SLC28A2: variants seen among roughly 807,000 people sequenced by gnomAD.
SLC28A2 encodes sodium/nucleoside cotransporter 2.
Under a neutral mutation model 72.9 loss-of-function variants are expected in SLC28A2, and 69 were observed. The observed-to-expected ratio is 0.95, with a 90% CI of 0.78 to 1.16. The LOEUF is 1.16. Among genes scored for constraint, SLC28A2 ranks in the 50% most tolerant of loss-of-function variants. SLC28A2 has a pLI of 0.00. For missense variants in SLC28A2, 745 were observed against 791.1 expected (o/e 0.94, Z 0.70); for synonymous variants, 296 against 294.1 (o/e 1.01, Z -0.07).
At chr15:45,267,624 G>T (rs201650750) in intron 11 of SLC28A2, 42 bp from the exon 12 acceptor site, 4 of 1,614,024 alleles carry the variant, frequency 2.5e-6, no homozygotes, top group East Asian at 4.5e-5. Context: ...ACTCGAGTTG[G>T]GTTTGATAGA....
chr15:45,256,249 G>T (rs1317030459), intron 3 of SLC28A2, among the ~76,000 whole-genome samples: 1 of 152,016 alleles, frequency 6.6e-6, no homozygotes, highest in East Asian at 1.9e-4. Context: ...TACCCAGGCT[G>T]GTCTTGAATT....
intron 1 of SLC28A2, 70 bp downstream of exon 1, chr15:45,252,348 A>G (rs1256456022): frequency 4.4e-6 from 2 of 454,196 alleles, no homozygotes; most frequent in Non-Finnish European, 8.8e-6. Context: ...TATTTAAACT[A>G]AATGCAGGTA....
In SLC28A2 at chr15:45,264,994, G is replaced by A. The variant is rs1438431661; in HGVS notation, c.703-95G>A. 12 of 988,068 alleles carry A rather than the reference G, an allele frequency of 1.2e-5. No individual in the cohort carries two copies. The South Asian group carries it at 1.3e-4, about 11-fold the overall frequency. 61.2% of individuals were successfully genotyped at this position (988,068 alleles called of 1,614,324 possible). On this transcript the variant is annotated intron_variant, in intron 7 of 17. Coordinates refer to ENST00000347644, the MANE Select transcript of SLC28A2 (RefSeq NM_004212.4). ...AGGGAGGCCAACCTCAGTAGCAACA[G>A]TAGGTCCTCAGGACGCATGGGGCTG...
At chr15:45,253,703 G>GT in intron 3 of SLC28A2, 183 bp downstream of exon 3, 2 of 521,482 alleles carry the variant, frequency 3.8e-6, no homozygotes, top group Non-Finnish European at 6.9e-6. Flanking sequence ...GAGTTCAGCA[G>GT]TATCAGTGTT....
Position 45,274,798 on chromosome 15 carries a change from G to A in SLC28A2, c.1860-598G>A, listed in dbSNP as rs1307851966. ...CTCACTCTGTTGCCCCGGCTGGGGT[G>A]CAGTGGCACAATCTTGGCCCAGGCT... On this transcript the variant is annotated intron_variant, in intron 17 of 17. Transcript: ENST00000347644. Among the ~76,000 whole-genome samples, 5 of 150,622 alleles carry A rather than the reference G, an allele frequency of 3.3e-5. No homozygotes were observed. In the East Asian group the frequency reaches 7.8e-4, roughly 24 times the overall value.
rs376329993 is a variant in SLC28A2 at position 45,267,657 on chromosome 15, G to A, written c.1069-9G>A. 40 of 1,613,962 alleles carry A rather than the reference G, an allele frequency of 2.5e-5. No individual in the cohort carries two copies. Among genetic ancestry groups the A allele is most frequent in the East Asian group, 4.5e-5 (2 of 44,882 alleles). On this transcript the variant is annotated splice_polypyrimidine_tract_variant and intron_variant, in intron 11 of 17. Coordinates refer to ENST00000347644, the MANE Select transcript of SLC28A2 (RefSeq NM_004212.4). Reference sequence around the variant, plus strand: ...AGAAACACTGATGCCTAAGTCTGGCGCCTCACAGGTTGATGCATCATCCCT... The same window carrying A: ...AGAAACACTGATGCCTAAGTCTGGCACCTCACAGGTTGATGCATCATCCCT...
intron 5 of SLC28A2, 27 bp from the exon 6 acceptor site, chr15:45,263,854 G>T: frequency 6.3e-7 from 1 of 1,589,888 alleles, no homozygotes; most frequent in Non-Finnish European, 8.6e-7. Context: ...CTGGGTTGAT[G>T]ACATGGTCTT....
intron 4 of SLC28A2, 91 bp downstream of exon 4, chr15:45,262,197 T>A: frequency 1.2e-6 from 1 of 832,388 alleles, no homozygotes; most frequent in Non-Finnish European, 2.0e-6. Flanking sequence ...AAGGCATTTT[T>A]ATTCAAAACT....
At chr15:45,270,035 A>C (rs146043562) in intron 14 of SLC28A2, among the ~76,000 whole-genome samples, 160 bp from the exon 15 acceptor site, 254 of 152,282 alleles carry the variant, frequency 1.7e-3, no homozygotes, top group African/African-American at 6.0e-3. Flanking sequence ...TTATCCCTAT[A>C]GTAACTCAGG....
intron 3 of SLC28A2, among the ~76,000 whole-genome samples, chr15:45,260,773 A>G (rs1298436194): frequency 6.6e-6 from 1 of 152,174 alleles, no homozygotes; most frequent in African/African-American, 2.4e-5. Context: ...TCTCTTAAAG[A>G]GAAGAAAAGC....
chr15:45,268,717 C>T (rs1179288949), intron 13 of SLC28A2, among the ~76,000 whole-genome samples: 5 of 152,024 alleles, frequency 3.3e-5, no homozygotes, highest in East Asian at 1.9e-4. Context: ...CACATGCACA[C>T]GTATGTTTAT....
intron 5 of SLC28A2, 122 bp from the exon 6 acceptor site, chr15:45,263,759 A>G: frequency 1.1e-6 from 1 of 900,518 alleles, no homozygotes; most frequent in Admixed American, 2.7e-5. Flanking sequence ...CAGCTCTAAC[A>G]ATGGCACATG....
Position 45,262,022 on chromosome 15 carries a change from C to A in SLC28A2, c.178C>A (p.Arg60=). The A allele has an allele frequency of 6.2e-7, 1 of 1,610,448 alleles. No individual in the cohort carries two copies. The highest frequency in any genetic ancestry group is 1.1e-5 in the South Asian group (1 of 90,962). ...LGPSTYQRRS[R]WPFSKARSFC... The stretch of plus-strand genomic sequence containing the variant: ...CTTTTGGGTTCTTATTAGGAGGAGT[C>A]GGTGGCCTTTCAGCAAAGCAAGAAG... The change falls in exon 4 of 18, where the codon CGG becomes AGG. Residue 60 remains arginine, a synonymous_variant. Transcript: ENST00000347644.
chr15:45,275,367 T>C, intron 17 of SLC28A2, 29 bp from the exon 18 acceptor site: 1 of 1,334,494 alleles, frequency 7.5e-7, no homozygotes, highest in Non-Finnish European at 1.1e-6. Context: ...GTCTGACCCC[T>C]TATGTACCTC....
intron 5 of SLC28A2, 56 bp from the exon 6 acceptor site, chr15:45,263,825 G>A: frequency 1.3e-6 from 2 of 1,547,250 alleles, no homozygotes; most frequent in East Asian, 2.3e-5. Context: ...CTCTCTGTAA[G>A]TTATTTGTTT....
At position 45,262,116 on chromosome 15, in the gene SLC28A2, T is replaced by C. The variant is rs1390560415; in HGVS notation, c.262+10T>C. The C allele has an allele frequency of 1.9e-6, 3 of 1,558,718 alleles. No individual in the cohort carries two copies. Among genetic ancestry groups the C allele is most frequent in the Non-Finnish European group, 2.7e-6 (3 of 1,129,974 alleles). On this transcript the variant is annotated intron_variant, in intron 4 of 17. Coordinates refer to ENST00000347644, the MANE Select transcript of SLC28A2 (RefSeq NM_004212.4). ...GGCCTGTTGTGTTTGGGTGAGATAT[T>C]GAGAATTCATGAAAGTGAGAAACAC...
chr15:45,267,373 C>G, intron 10 of SLC28A2, 82 bp from the exon 11 acceptor site: 1 of 1,503,560 alleles, frequency 6.7e-7, no homozygotes, highest in Non-Finnish European at 9.2e-7. Flanking sequence ...TCTAGTGGGT[C>G]CAGCCCCTGG....
chr15:45,261,313 C>T (rs1567057833), intron 3 of SLC28A2, among the ~76,000 whole-genome samples: 1 of 150,144 alleles, frequency 6.7e-6, no homozygotes, highest in African/African-American at 2.5e-5. Flanking sequence ...TCGCTCCTTA[C>T]AGCCTGTATG....
At chr15:45,272,620 T>C (rs1190414238) in intron 16 of SLC28A2, 53 bp from the exon 17 acceptor site, 2 of 1,077,772 alleles carry the variant, frequency 1.9e-6, no homozygotes, top group Non-Finnish European at 2.9e-6. Context: ...ATAAAGAGCC[T>C]TGAGAAGCAC....
Sources: gnomAD v4.1 joint callset for allele counts (sites outside exome capture counted in the v4.1 genomes callset) on GRCh38, gnomAD v4.1.1 for gene constraint, MANE v1.5 for transcripts, NCBI Gene and HGNC (gene_info 2026-07-23, HGNC 2026-07-21) for gene names.